HMCN1: variants seen among roughly 807,000 people sequenced by gnomAD.
The protein encoded by HMCN1 is hemicentin 1.
In HMCN1, 321 loss-of-function variants were observed where a neutral mutation model predicts 625.9. The observed-to-expected ratio is 0.51, with a 90% CI of 0.47 to 0.56. HMCN1 has a LOEUF of 0.56. Among genes scored for constraint, HMCN1 ranks in the 20% least tolerant of loss-of-function variants. HMCN1 has a pLI of 0.00. For synonymous variants in HMCN1, 2,425 were observed against 2,417.6 expected, an observed-to-expected ratio of 1.00 and a Z score of -0.09; for missense variants, 6,588 against 6,887.3, an observed-to-expected ratio of 0.96 and a Z score of 1.54.
At chr1:185,957,883 A>T (rs973936433) in intron 11 of HMCN1, among the ~76,000 whole-genome samples, 2 of 150,906 alleles carry the variant, frequency 1.3e-5, no homozygotes, top group Non-Finnish European at 2.9e-5. Context: ...TATTATAACC[A>T]CATGCTCATT....
chr1:186,177,070 C>T (rs1281825863), intron 103 of HMCN1: 1 of 144,156 alleles, frequency 6.9e-6, no homozygotes, highest in African/African-American at 2.7e-5. Flanking sequence ...TTTGGGAGGT[C>T]GAGGCGGGTG....
At chr1:185,853,702 T>C (rs1479032548) in intron 2 of HMCN1, among the ~76,000 whole-genome samples, 2 of 152,170 alleles carry the variant, frequency 1.3e-5, no homozygotes, top group African/African-American at 4.8e-5. Context: ...AAATACGTTG[T>C]TGATATTGTA....
intron 68 of HMCN1, among the ~76,000 whole-genome samples, chr1:186,100,096 C>G (rs892187435): frequency 1.3e-5 from 2 of 151,796 alleles, no homozygotes; most frequent in Non-Finnish European, 2.9e-5. Context: ...AACTCAGGAG[C>G]AGAATCACAG....
intron 52 of HMCN1, among the ~76,000 whole-genome samples, chr1:186,073,386 T>C (rs188179405): frequency 3.9e-5 from 6 of 152,214 alleles, no homozygotes; most frequent in Admixed American, 3.9e-4. Flanking sequence ...AGGAAAGTAA[T>C]TGGAGTCCAC....
At position 186,041,576 on chromosome 1, in the gene HMCN1, A is replaced by C. The variant is rs78560419; in HGVS notation, c.6304+440A>C. 9.7e-3 allele frequency among the ~76,000 whole-genome samples: 1,483 copies of C among 152,294 alleles called. 10 individuals carry two copies. Among genetic ancestry groups the C allele is most frequent in the Non-Finnish European group, 0.014 (922 of 68,014 alleles). Reference sequence around the variant, plus strand: ...ATTAATGGCTCTTTGAGAAGCAAAAAGTTAAACTCAATATAAATTTAGGCA... The same window carrying C: ...ATTAATGGCTCTTTGAGAAGCAAAACGTTAAACTCAATATAAATTTAGGCA... On this transcript the variant is annotated intron_variant, in intron 40 of 106. Coordinates refer to ENST00000271588, the MANE Select transcript of HMCN1 (RefSeq NM_031935.3).
chr1:185,848,766 T>G (rs1167190959), intron 2 of HMCN1, among the ~76,000 whole-genome samples: 1 of 152,186 alleles, frequency 6.6e-6, no homozygotes, highest in Non-Finnish European at 1.5e-5. Flanking sequence ...ACTTCCTTAA[T>G]ACACCCTGCA....
At chr1:186,104,767 T>G (rs555544610) in intron 69 of HMCN1, among the ~76,000 whole-genome samples, 3 of 152,334 alleles carry the variant, frequency 2.0e-5, no homozygotes, top group African/African-American at 7.2e-5. Flanking sequence ...TTCTAGCATC[T>G]TCGAGTGCAT....
chr1:186,112,695 G>A (rs1660946192), intron 71 of HMCN1, 117 bp from the exon 72 acceptor site: 2 of 1,241,686 alleles, frequency 1.6e-6, no homozygotes, highest in South Asian at 1.3e-5. Context: ...AGCAGACAAA[G>A]CATGCTGACA....
chr1:185,775,420 A>G (rs919513624), intron 1 of HMCN1, among the ~76,000 whole-genome samples: 10 of 151,904 alleles, frequency 6.6e-5, no homozygotes, highest in African/African-American at 1.9e-4. Context: ...TCTTAAAAAA[A>G]GAAAAAAATG....
At chr1:185,795,015 CAGT>C in intron 1 of HMCN1, among the ~76,000 whole-genome samples, 1 of 152,206 alleles carries the variant, frequency 6.6e-6, no homozygotes, top group Admixed American at 6.5e-5. Context: ...TTTCTGGGAG[CAGT>C]TAGAAGTCTT....
chr1:186,057,528 T>C, intron 46 of HMCN1, 127 bp downstream of exon 46: 1 of 672,560 alleles, frequency 1.5e-6, no homozygotes, highest in East Asian at 2.7e-5. Flanking sequence ...TAATATTCAC[T>C]AATCATATTA....
At chr1:186,138,292 G>C (rs1361327151) in intron 89 of HMCN1, among the ~76,000 whole-genome samples, 2 of 152,120 alleles carry the variant, frequency 1.3e-5, no homozygotes, top group Non-Finnish European at 2.9e-5. Context: ...CATCCATTTC[G>C]AGGTGAGAAA....
chr1:186,110,396 TAGG>T (rs1660819466), intron 71 of HMCN1, among the ~76,000 whole-genome samples: 1 of 151,990 alleles, frequency 6.6e-6, no homozygotes, highest in Non-Finnish European at 1.5e-5. Context: ...GGATTAAAAG[TAGG>T]AGACACCGGT....
intron 17 of HMCN1, 93 bp downstream of exon 17, chr1:185,981,166 A>C (rs1289312683): frequency 9.9e-6 from 8 of 811,830 alleles, no homozygotes; most frequent in South Asian, 5.5e-5. Context: ...TTAAAAAAAA[A>C]CAAAAGATAA....
At chr1:186,128,382 G>A in intron 83 of HMCN1, 91 bp downstream of exon 83, 2 of 1,063,726 alleles carry the variant, frequency 1.9e-6, no homozygotes, top group South Asian at 1.3e-5. Flanking sequence ...AAATTGAAAA[G>A]TAACAAGAAT....
At chr1:185,921,999 A>C (rs1309700099) in intron 6 of HMCN1, among the ~76,000 whole-genome samples, 1 of 152,208 alleles carries the variant, frequency 6.6e-6, no homozygotes, top group Non-Finnish European at 1.5e-5. Context: ...ACCTGGATGT[A>C]TTTGTGGAAG....
chr1:186,175,264 T>C (rs539266242), intron 103 of HMCN1, among the ~76,000 whole-genome samples: 1 of 152,334 alleles, frequency 6.6e-6, no homozygotes, highest in South Asian at 2.1e-4. Flanking sequence ...ATCAAGAAAC[T>C]GATCTATCAA....
rs1663060034 is a variant in HMCN1 at position 185,864,506 on chromosome 1, A to G, written c.376A>G (p.Ile126Val). 6.2e-7 allele frequency: 1 copy of G among 1,613,988 alleles called. No individual in the cohort carries two copies. The highest frequency in any genetic ancestry group is 8.5e-7 in the Non-Finnish European group (1 of 1,179,988). Residue 126 changes from isoleucine to valine, a missense_variant, in exon 3 of 107, where the codon ATA (isoleucine) becomes GTA (valine). Coordinates refer to ENST00000271588, the MANE Select transcript of HMCN1 (RefSeq NM_031935.3). ...GDCPEMSIGAIKIALEISLPG... is the reference protein window; with the variant it reads ...GDCPEMSIGAVKIALEISLPG... Reference sequence around the variant, plus strand: ...TTGCCCAGAAATGAGTATTGGAGCTATAAAAATTGCCTTGGAAATTTCTCT... The same window carrying G: ...TTGCCCAGAAATGAGTATTGGAGCTGTAAAAATTGCCTTGGAAATTTCTCT...
chr1:185,872,505 C>T (rs1663681365), intron 4 of HMCN1, among the ~76,000 whole-genome samples: 1 of 152,100 alleles, frequency 6.6e-6, no homozygotes, highest in South Asian at 2.1e-4. Flanking sequence ...CTCATAATGA[C>T]ATTTAAAGAG....
Sources: allele counts gnomAD v4.1 joint callset (sites outside exome capture counted in the v4.1 genomes callset), GRCh38; gene constraint gnomAD v4.1.1; transcripts MANE v1.5; gene names NCBI Gene and HGNC (gene_info 2026-07-23, HGNC 2026-07-21).